SYN3: variants seen among roughly 807,000 people sequenced by gnomAD.
SYN3 encodes the protein synapsin III.
A neutral mutation model predicts 65.8 loss-of-function variants in SYN3; 35 were observed. That is an observed-to-expected ratio of 0.53 (90% confidence interval 0.41 to 0.70). SYN3 has a LOEUF of 0.70. Ranked by LOEUF, SYN3 falls within the 30% of genes least tolerant of loss-of-function variation. The probability of loss-of-function intolerance (pLI) is 0.00; values close to 1 mark genes in which losing one functional copy is unlikely to be tolerated. For missense variants in SYN3, 680 were observed against 749.0 expected (o/e 0.91, Z 1.08); for synonymous variants, 270 against 292.9 (o/e 0.92, Z 0.80).
chr22:32,564,709 C>CTCTCGGACTGCACCCAAAT (rs1569042635), intron 7 of SYN3, among the ~76,000 whole-genome samples: 1 of 151,292 alleles, frequency 6.6e-6, no homozygotes, highest in African/African-American at 2.4e-5. Flanking sequence ...TGCACCCAAA[C>CTCTCGGACTGCACCCAAAT]AGTGCTCCCG....
intron 6 of SYN3, among the ~76,000 whole-genome samples, chr22:32,794,039 C>T (rs2145891767): frequency 6.6e-6 from 1 of 152,292 alleles, no homozygotes; most frequent in East Asian, 1.9e-4. Flanking sequence ...CAAGAAGATC[C>T]AAGAGCCTGC....
chr22:32,989,905 C>T (rs2052646145), intron 2 of SYN3, among the ~76,000 whole-genome samples: 1 of 150,434 alleles, frequency 6.6e-6, no homozygotes, highest in East Asian at 2.0e-4. Flanking sequence ...AGACACAGCA[C>T]TATGTCACCC....
At chr22:32,723,347 C>T (rs2061145896) in intron 6 of SYN3, among the ~76,000 whole-genome samples, 1 of 152,166 alleles carries the variant, frequency 6.6e-6, no homozygotes, top group African/African-American at 2.4e-5. Context: ...TTATAAAGTG[C>T]TTAGAACAGT....
At position 33,031,946 on chromosome 22, in the gene SYN3, C is replaced by A. The variant is rs140253750; in HGVS notation, c.-162-25122G>T. 3.8e-3 allele frequency among the ~76,000 whole-genome samples: 575 copies of A among 152,246 alleles called. 3 individuals are homozygous for A. Among genetic ancestry groups the A allele is most frequent in the African/African-American group, 0.013 (549 of 41,542 alleles). On this transcript the variant is annotated intron_variant, in intron 1 of 13. Transcript: ENST00000358763. ...ATCATTGGCCAGGCATGGAGGATCA[C>A]GCCTGTCATCCCGGCACTTTAAGAG...
rs887788679 is a variant in SYN3, at chr22:32,904,129, T to C, written c.461+27261A>G. Reference sequence around the variant, plus strand: ...AATAAATGAGACTTGTTTAAAGTTATAAATTATGGCAGAGATATTTGGCCA... The same window carrying C: ...AATAAATGAGACTTGTTTAAAGTTACAAATTATGGCAGAGATATTTGGCCA... On this transcript the variant is annotated intron_variant, in intron 4 of 13. Coordinates refer to ENST00000358763, the MANE Select transcript of SYN3 (RefSeq NM_003490.4). Among the ~76,000 whole-genome samples the C allele has an allele frequency of 3.5e-4, 54 of 152,256 alleles. 1 individual carries two copies. The highest frequency in any genetic ancestry group is 1.3e-3 in the African/African-American group (52 of 41,474).
At chr22:32,741,395 G>A (rs900015450) in intron 6 of SYN3, among the ~76,000 whole-genome samples, 18 of 121,180 alleles carry the variant, frequency 1.5e-4, no homozygotes, top group African/African-American at 5.4e-4. Flanking sequence ...TTGCTCTGCC[G>A]CCCAGTCTGG....
chr22:32,536,736 C>T (rs2058171903), intron 9 of SYN3, among the ~76,000 whole-genome samples: 1 of 152,174 alleles, frequency 6.6e-6, no homozygotes, highest in African/African-American at 2.4e-5. Flanking sequence ...AGCCTGGAGC[C>T]ACTGTGTGCC....
At chr22:32,740,221 T>C (rs928714879) in intron 6 of SYN3, among the ~76,000 whole-genome samples, 1 of 152,190 alleles carries the variant, frequency 6.6e-6, no homozygotes. Context: ...TGCTTGTTCA[T>C]TCACTAGATA....
chr22:32,567,525 T>C (rs544498285), intron 7 of SYN3, among the ~76,000 whole-genome samples: 1 of 152,078 alleles, frequency 6.6e-6, no homozygotes, highest in Non-Finnish European at 1.5e-5. Flanking sequence ...TGGTCCTTAA[T>C]ATGGAAGGGG....
At chr22:32,541,776 C>A in intron 7 of SYN3, 63 bp from the exon 8 acceptor site, 1 of 1,562,466 alleles carries the variant, frequency 6.4e-7, no homozygotes. Flanking sequence ...CCACCCTATG[C>A]CAGGAACAAG....
rs948241110 is a variant in SYN3, at chr22:32,509,582, A to T, written c.*4110T>A. 1.1e-4 allele frequency among the ~76,000 whole-genome samples: 14 copies of T among 132,924 alleles called. No homozygotes were observed. Among genetic ancestry groups the T allele is most frequent in the Admixed American group, 5.8e-4 (8 of 13,704 alleles). 87.2% of individuals were successfully genotyped at this position (132,924 alleles called of 152,430 possible). ...AAGTATTATTATTATTATTATTATT[A>T]TTTTGAGACAGAGTCTCACTCTGTT... On this transcript the variant is annotated 3_prime_UTR_variant, in exon 14 of 14. Transcript: ENST00000358763.
At chr22:32,622,745 A>T (rs967550005) in intron 6 of SYN3, among the ~76,000 whole-genome samples, 1 of 151,074 alleles carries the variant, frequency 6.6e-6, no homozygotes, top group Non-Finnish European at 1.5e-5. Flanking sequence ...AAAAAAAAAA[A>T]GTTTCTCTGT....
At chr22:32,744,654 T>C (rs2044871250) in intron 6 of SYN3, among the ~76,000 whole-genome samples, 1 of 152,100 alleles carries the variant, frequency 6.6e-6, no homozygotes, top group African/African-American at 2.4e-5. Context: ...CTACTGTGAG[T>C]GTCTCTCTCT....
chr22:32,881,438 G>A (rs13057857), intron 4 of SYN3, among the ~76,000 whole-genome samples: 11,013 of 152,234 alleles, frequency 0.072, 749 homozygotes, highest in East Asian at 0.29. Flanking sequence ...TTATCAGCTC[G>A]CTCAGCAGGA....
At chr22:32,588,401 G>C (rs950957703) in intron 7 of SYN3, among the ~76,000 whole-genome samples, 2 of 152,146 alleles carry the variant, frequency 1.3e-5, no homozygotes, top group African/African-American at 4.8e-5. Flanking sequence ...TGGGGATGCT[G>C]AATTTCCTTA....
At chr22:32,627,195 G>C (rs1209821981) in intron 6 of SYN3, among the ~76,000 whole-genome samples, 1 of 148,896 alleles carries the variant, frequency 6.7e-6, no homozygotes, top group Non-Finnish European at 1.5e-5. Context: ...CTGGGCATCC[G>C]AGCTGGCACG....
chr22:33,052,722 A>G (rs911482917), intron 1 of SYN3, among the ~76,000 whole-genome samples: 4 of 152,250 alleles, frequency 2.6e-5, no homozygotes, highest in African/African-American at 4.8e-5. Context: ...CAAAGACATT[A>G]CATCATCGGT....
chr22:32,780,659 A>G (rs1016717753), intron 6 of SYN3, among the ~76,000 whole-genome samples: 2 of 152,194 alleles, frequency 1.3e-5, no homozygotes, highest in African/African-American at 4.8e-5. Context: ...GGGCACTGAA[A>G]TAACACTGCA....
intron 6 of SYN3, among the ~76,000 whole-genome samples, chr22:32,776,785 G>A (rs1175098877): frequency 6.6e-6 from 1 of 152,208 alleles, no homozygotes; most frequent in African/African-American, 2.4e-5. Context: ...AGTGCACGGA[G>A]AAGGCATAAG....
Sources: allele counts gnomAD v4.1 joint callset (sites outside exome capture counted in the v4.1 genomes callset), GRCh38; gene constraint gnomAD v4.1.1; transcripts MANE v1.5; gene names NCBI Gene and HGNC (gene_info 2026-07-23, HGNC 2026-07-21).